Variants in ARHGAP26 observed in about 807,000 individuals in gnomAD.
ARHGAP26 encodes the protein rho GTPase-activating protein 26.
A neutral mutation model predicts 104.8 loss-of-function variants in ARHGAP26; 38 were observed. The ratio of observed to expected loss-of-function variants is 0.36; its 90% confidence interval spans 0.28 to 0.48. The LOEUF is 0.48. Among genes scored for constraint, ARHGAP26 ranks in the 20% least tolerant of loss-of-function variants. ARHGAP26 has a pLI of 0.99. For missense variants in ARHGAP26, 704 were observed against 947.9 expected (o/e 0.74, Z 3.38); for synonymous variants, 341 against 340.0 (o/e 1.00, Z -0.03).
intron 18 of ARHGAP26, among the ~76,000 whole-genome samples, chr5:143,131,233 C>T (rs1450660883): frequency 6.6e-6 from 1 of 152,188 alleles, no homozygotes. Context: ...CTGTCTAAAG[C>T]CATGGTCCTT....
At chr5:142,931,790 C>G (rs1019625003) in intron 10 of ARHGAP26, among the ~76,000 whole-genome samples, 2 of 152,246 alleles carry the variant, frequency 1.3e-5, no homozygotes, top group African/African-American at 4.8e-5. Context: ...CTTAACTCCT[C>G]TACGTCCCTT....
intron 11 of ARHGAP26, among the ~76,000 whole-genome samples, chr5:142,996,488 G>C (rs889199995): frequency 2.0e-5 from 3 of 152,118 alleles, no homozygotes; most frequent in Admixed American, 6.6e-5. Context: ...GCAAGACTCT[G>C]TCTTGAAAAT....
At chr5:142,985,054 A>C (rs1336037588) in intron 11 of ARHGAP26, among the ~76,000 whole-genome samples, 1 of 152,154 alleles carries the variant, frequency 6.6e-6, no homozygotes, top group African/African-American at 2.4e-5. Context: ...CAAGATGTGG[A>C]GGTGGAAGAC....
intron 11 of ARHGAP26, among the ~76,000 whole-genome samples, chr5:142,993,035 G>GCC: frequency 6.6e-6 from 1 of 152,044 alleles, no homozygotes; most frequent in Non-Finnish European, 1.5e-5. Context: ...AGGCTGGAGT[G>GCC]CAGTGGCGGG....
intron 20 of ARHGAP26, among the ~76,000 whole-genome samples, chr5:143,164,479 C>T (rs1377403453): frequency 6.6e-6 from 1 of 152,120 alleles, no homozygotes; most frequent in East Asian, 1.9e-4. Context: ...GGTTAGATGC[C>T]CACAAGCAAG....
rs535485411 is a variant in ARHGAP26, at chr5:142,771,166, T to G, written c.154+251T>G. 1.9e-5 allele frequency: 24 copies of G among 1,289,310 alleles called. No homozygotes were observed. The South Asian group carries it at 5.8e-4, about 31-fold the overall frequency. The allele number at this position is 1,289,310 out of a possible 1,614,324, so 79.9% of individuals were successfully genotyped here. A position where few individuals can be genotyped will look rare whatever the true frequency, so the allele number is the denominator to read the frequency against. On this transcript the variant is annotated intron_variant, in intron 1 of 22. Coordinates refer to ENST00000645722, the MANE Select transcript of ARHGAP26 (RefSeq NM_001135608.3). ...GGAGGTGACCCAGCGCGGGTGGTGC[T>G]CTGGGGCAGCGCGGGTGGGCGTGGG...
intron 12 of ARHGAP26, among the ~76,000 whole-genome samples, chr5:143,025,339 A>C (rs1780898143): frequency 6.6e-6 from 1 of 152,210 alleles, no homozygotes; most frequent in Admixed American, 6.5e-5. Flanking sequence ...TCGCTGCCTC[A>C]GAGTTTGTTG....
chr5:142,980,596 C>A (rs1773800437), intron 11 of ARHGAP26, among the ~76,000 whole-genome samples: 1 of 151,958 alleles, frequency 6.6e-6, no homozygotes, highest in Non-Finnish European at 1.5e-5. Flanking sequence ...ACCATGTTGG[C>A]CAGGCTGGTC....
At chr5:143,008,256 A>G (rs1378329772) in intron 11 of ARHGAP26, among the ~76,000 whole-genome samples, 2 of 152,192 alleles carry the variant, frequency 1.3e-5, no homozygotes, top group Non-Finnish European at 2.9e-5. Context: ...AGGTCTAGGG[A>G]TGATAACTGA....
chr5:143,057,685 T>C lies in ARHGAP26; in HGVS notation c.1476T>C (p.Leu492=). ...QESRVSEIHS[L]VHRLPEKNRQ... is the part of the protein sequence containing the mutation. The stretch of plus-strand genomic sequence containing the variant: ...CTCGGGTCTCTGAAATCCACAGCCT[T>C]GTTCATCGGCTCCCAGAGAAAAATC... Residue 492 remains leucine (L), a synonymous_variant, in exon 17 of 23, where the codon CTT becomes CTC. Transcript: ENST00000645722. 1 of 1,614,006 alleles carries C rather than the reference T, an allele frequency of 6.2e-7. No individual in the cohort carries two copies. Among genetic ancestry groups the C allele is most frequent in the Non-Finnish European group, 8.5e-7 (1 of 1,179,902 alleles).
intron 14 of ARHGAP26, among the ~76,000 whole-genome samples, chr5:143,049,569 G>C (rs772834400): frequency 2.4e-4 from 36 of 152,062 alleles, no homozygotes; most frequent in Non-Finnish European, 4.4e-4. Flanking sequence ...TTTGGTCTCT[G>C]TATTTTTTGC....
chr5:143,017,890 GACAA>G (rs1387092260), intron 12 of ARHGAP26, among the ~76,000 whole-genome samples: 1 of 152,102 alleles, frequency 6.6e-6, no homozygotes, highest in African/African-American at 2.4e-5. Context: ...AGCATTGCTG[GACAA>G]AGGCTATGCA....
intron 17 of ARHGAP26, among the ~76,000 whole-genome samples, chr5:143,098,982 A>G (rs1599007199): frequency 6.6e-6 from 1 of 152,226 alleles, no homozygotes; most frequent in African/African-American, 2.4e-5. Context: ...AAAAGAGGAC[A>G]GCAGAGGCTT....
chr5:142,862,529 A>C (rs1753554878), intron 1 of ARHGAP26, among the ~76,000 whole-genome samples: 1 of 152,242 alleles, frequency 6.6e-6, no homozygotes, highest in African/African-American at 2.4e-5. Context: ...ATATGTATGA[A>C]GAAAGGCATA....
At chr5:142,867,047 T>C (rs2152331011) in intron 1 of ARHGAP26, among the ~76,000 whole-genome samples, 1 of 152,264 alleles carries the variant, frequency 6.6e-6, no homozygotes, top group East Asian at 1.9e-4. Context: ...TTGCTGAGTG[T>C]CCACTGGACA....
chr5:142,881,208 T>C (rs1338496774), intron 4 of ARHGAP26, among the ~76,000 whole-genome samples: 1 of 152,212 alleles, frequency 6.6e-6, no homozygotes, highest in Non-Finnish European at 1.5e-5. Flanking sequence ...TATGCAGAGC[T>C]TGGAGACTGA....
intron 17 of ARHGAP26, among the ~76,000 whole-genome samples, chr5:143,062,519 G>GT (rs57175122): frequency 0.035 from 4,401 of 123,986 alleles, 90 homozygotes; most frequent in Admixed American, 0.069. Context: ...TGTAGCTTGG[G>GT]TTTTTTTTTT....
Position 143,228,846 on chromosome 5 carries a change from A to G in ARHGAP26, c.*6400A>G, listed in dbSNP as rs187087400. On this transcript the variant is annotated 3_prime_UTR_variant, in exon 23 of 23. Coordinates refer to ENST00000645722, the MANE Select transcript of ARHGAP26 (RefSeq NM_001135608.3). ...CTGTTGCCATGTTCAGGCTTTTAAA[A>G]AATGCTTTTGTGTCACCAAATATAT... The G allele has an allele frequency of 3.7e-4, 71 of 191,032 alleles. No homozygotes were observed. The East Asian group carries it at 5.7e-3, about 15-fold the overall frequency. The allele number at this position is 191,032 out of a possible 1,614,324, so 11.8% of individuals were successfully genotyped here. A position where few individuals can be genotyped will look rare whatever the true frequency, so the allele number is the denominator to read the frequency against.
Position 143,207,263 on chromosome 5 carries a change from G to C in ARHGAP26, c.2054G>C (p.Ser685Thr). 1 of 1,614,130 alleles carries C rather than the reference G, an allele frequency of 6.2e-7. No homozygotes were observed. Residue 685 changes from serine to threonine, a missense_variant, in exon 21 of 23, where the codon AGC becomes ACC. Coordinates refer to ENST00000645722, the MANE Select transcript of ARHGAP26 (RefSeq NM_001135608.3). ...TGGCCCATGTTCTCGGCGCCATCCA[G>C]CCCTATGCCCACCTCATCCACGTCC... ...PSWPMFSAPS[S>T]PMPTSSTSSD...
Sources: allele counts gnomAD v4.1 joint callset (sites outside exome capture counted in the v4.1 genomes callset), GRCh38; gene constraint gnomAD v4.1.1; transcripts MANE v1.5; gene names NCBI Gene and HGNC (gene_info 2026-07-23, HGNC 2026-07-21).